Variants in RORC observed in about 807,000 individuals in gnomAD.
RORC encodes the protein nuclear receptor ROR-gamma.
Under a neutral mutation model 64.5 loss-of-function variants are expected in RORC, and 13 were observed. That is an observed-to-expected ratio of 0.20 (90% CI 0.13 to 0.32). The LOEUF is 0.32. RORC is among the 10% of genes least tolerant of loss of function. The pLI is 1.00. For synonymous variants in RORC, 277 were observed against 259.3 expected (o/e 1.07, Z -0.65); for missense variants, 468 against 669.5 (o/e 0.70, Z 3.32).
chr1:151,813,326 C>T lies in RORC; in HGVS notation c.1087G>A (p.Val363Ile). The T allele has an allele frequency of 6.2e-7, 1 of 1,614,138 alleles. No homozygotes were observed. Among genetic ancestry groups the T allele is most frequent in the Non-Finnish European group, 8.5e-7 (1 of 1,179,992 alleles). ...GCATTGTAGGCCCGGCACATCCTAA[C>T]CAGCACCACTTCCATTGCTCCTGGG... ...LKAGAMEVVL[V>I]RMCRAYNADN... is the part of the protein sequence containing the mutation. The change falls in exon 8 of 11, where the codon GTT becomes ATT. Residue 363 changes from valine to isoleucine, a missense_variant. Coordinates refer to ENST00000318247, the MANE Select transcript of RORC (RefSeq NM_005060.4).
intron 2 of RORC, chr1:151,825,998 A>G: frequency 6.2e-7 from 1 of 1,608,090 alleles, no homozygotes; most frequent in South Asian, 1.1e-5. Context: ...GTGGTCCAGG[A>G]GTGGGGTGCA....
At position 151,813,228 on chromosome 1, in the gene RORC, C is replaced by G. The variant is rs1572036317; in HGVS notation, c.1174+11G>C. The G allele has an allele frequency of 1.2e-6, 2 of 1,610,214 alleles. No homozygotes were observed. Among genetic ancestry groups the G allele is most frequent in the East Asian group, 4.5e-5 (2 of 44,874 alleles). ...TCAGAATCTTCCCTCTCATTTCTCCCTGCCCCTCACCCAAGGCTCGGAACA... is the reference window on the plus strand; with the variant it reads ...TCAGAATCTTCCCTCTCATTTCTCCGTGCCCCTCACCCAAGGCTCGGAACA... On this transcript the variant is annotated intron_variant, in intron 8 of 10. Coordinates refer to ENST00000318247, the MANE Select transcript of RORC (RefSeq NM_005060.4).
intron 2 of RORC, among the ~76,000 whole-genome samples, chr1:151,820,654 C>T (rs1172154989): frequency 6.6e-6 from 1 of 152,180 alleles, no homozygotes; most frequent in Non-Finnish European, 1.5e-5. Context: ...ACTCCAATTC[C>T]ACATCTTCCA....
At chr1:151,827,379 T>A (rs1156494301) in intron 2 of RORC, among the ~76,000 whole-genome samples, 2 of 151,740 alleles carry the variant, frequency 1.3e-5, no homozygotes, top group Non-Finnish European at 2.9e-5. Flanking sequence ...TTTTTTGGCC[T>A]GGGGGAGGGG....
intron 6 of RORC, chr1:151,814,032 G>A (rs1326613985): frequency 1.1e-5 from 2 of 181,590 alleles, no homozygotes; most frequent in Non-Finnish European, 2.3e-5. Flanking sequence ...TGATCGAAAA[G>A]GCAGCATAAA....
At chr1:151,825,874 G>A (rs1652173486) in intron 2 of RORC, 4 of 1,599,014 alleles carry the variant, frequency 2.5e-6, no homozygotes, top group Non-Finnish European at 3.4e-6. Context: ...CTCCTTTCCA[G>A]AGGGGTGACG....
chr1:151,816,754 G>C lies in RORC; in HGVS notation c.208C>G (p.Gln70Glu). The C allele has an allele frequency of 1.3e-6, 2 of 1,593,572 alleles. No individual in the cohort carries two copies. Among genetic ancestry groups the C allele is most frequent in the South Asian group, 1.1e-5 (1 of 87,822 alleles). Residue 70 changes from glutamine (Q) to glutamate (E), a missense_variant, in exon 4 of 11, where the codon CAG (glutamine) becomes GAG (glutamate). Gln to Glu is a conservative substitution (Grantham distance 29, BLOSUM62 2). Around this residue, in one of 5 missense-constraint regions of RORC, gnomAD observed 241 missense variants for 295.5 expected, o/e 0.82. Coordinates refer to ENST00000318247, the MANE Select transcript of RORC (RefSeq NM_005060.4). Reference sequence around the variant, plus strand: ...GTGCGGTCGATGGGGCAGTTCTGCTGACGGGTGCAGGAGTAGGCCGCGTTA... The same window carrying C: ...GTGCGGTCGATGGGGCAGTTCTGCTCACGGGTGCAGGAGTAGGCCGCGTTA... The part of the protein sequence containing the change: ...RCNAAYSCTR[Q>E]QNCPIDRTSR...
chr1:151,816,825 G>C lies in RORC; in HGVS notation c.157-20C>G. On this transcript the variant is annotated intron_variant, in intron 3 of 10. Coordinates refer to ENST00000318247, the MANE Select transcript of RORC (RefSeq NM_005060.4). Reference sequence around the variant, plus strand: ...GAAGCCCTGGGGAAAGCAGGTGGAGGGCAAGACTGCTTATCCTGGTCAGGC... The same window carrying C: ...GAAGCCCTGGGGAAAGCAGGTGGAGCGCAAGACTGCTTATCCTGGTCAGGC... 6.6e-7 allele frequency: 1 copy of C among 1,512,360 alleles called. No individual in the cohort carries two copies. The allele number at this position is 1,512,360 out of a possible 1,614,324, so 93.7% of individuals were successfully genotyped here. A position where few individuals can be genotyped will look rare whatever the true frequency, so the allele number is the denominator to read the frequency against.
chr1:151,807,490 A>G lies in RORC; in HGVS notation c.1539T>C (p.Pro513=). The part of the protein sequence containing the change: ...KELFSTETES[P]VGLSK ...TTCCAGGTCACTTGGACAGCCCCAC[A>G]GGTGACTCGGTTTCAGTGCTGAAGA... is the stretch of plus-strand genomic sequence containing the variant. The change falls in exon 11 of 11, where the codon CCT becomes CCC. Residue 513 remains proline, a synonymous_variant. Transcript: ENST00000318247. This position sits in a 1 kb window ranked among gnomAD's most constrained non-coding sequence, Gnocchi z 5.0. 3 of 1,614,208 alleles carry G rather than the reference A, an allele frequency of 1.9e-6. No homozygotes were observed. Among genetic ancestry groups the G allele is most frequent in the Non-Finnish European group, 2.5e-6 (3 of 1,180,008 alleles).
chr1:151,812,871 AG>A (rs1236679436), intron 9 of RORC, 75 bp downstream of exon 9: 3 of 880,938 alleles, frequency 3.4e-6, no homozygotes, highest in Non-Finnish European at 5.6e-6. Context: ...CTACATCTGA[AG>A]GTCTAGACTC....
Position 151,816,783 on chromosome 1 carries a change from C to T in RORC, c.179G>A (p.Arg60His), listed in dbSNP as rs746722517. The stretch of plus-strand genomic sequence containing the variant: ...GGTGCAGGAGTAGGCCGCGTTACAG[C>T]GCTGGCTCCGGCGGAAGAAGCCCTG... The part of the protein sequence containing the change: ...GCKGFFRRSQ[R>H]CNAAYSCTRQ... The change falls in exon 4 of 11, where the codon CGC (arginine) becomes CAC (histidine). Residue 60 changes from arginine (R) to histidine (H), a missense_variant. By Grantham distance (29) the Arg-to-His change is conservative (BLOSUM62 0). This residue lies in a region of RORC where 241 missense variants were observed against 295.5 expected (regional missense o/e 0.82). Coordinates refer to ENST00000318247, the MANE Select transcript of RORC (RefSeq NM_005060.4). 26 of 1,554,388 alleles carry T rather than the reference C, an allele frequency of 1.7e-5. No homozygotes were observed. The East Asian group carries it at 2.1e-4, about 13-fold the overall frequency.
chr1:151,817,314 G>T (rs200049152), intron 2 of RORC, 34 bp from the exon 3 acceptor site: 2 of 1,530,404 alleles, frequency 1.3e-6, no homozygotes, highest in Non-Finnish European at 1.8e-6. Context: ...GTCAGCCCAG[G>T]AGGCTTTTCT....
chr1:151,829,532 A>G (rs1652328740), intron 1 of RORC, 74 bp from the exon 2 acceptor site: 2 of 1,321,878 alleles, frequency 1.5e-6, no homozygotes, highest in Admixed American at 2.9e-5. Context: ...CCCCACTCCT[A>G]GGATCCCACT....
intron 2 of RORC, among the ~76,000 whole-genome samples, chr1:151,823,222 C>T (rs1239282166): frequency 6.6e-6 from 1 of 152,056 alleles, no homozygotes; most frequent in Non-Finnish European, 1.5e-5. Context: ...TCCTTTCTGG[C>T]CCACTGTTCC....
rs1553293049 is a variant in RORC at position 151,830,621 on chromosome 1, TACACACACACACACACAC to T, written c.40+1086_40+1103del. Among the ~76,000 whole-genome samples, 1 of 57,078 alleles carries T rather than the reference TACACACACACACACACAC, an allele frequency of 1.8e-5. No homozygotes were observed. The highest frequency in any genetic ancestry group is 4.2e-5 in the African/African-American group (1 of 23,534). The allele number at this position is 57,078 out of a possible 152,430, so 37.4% of individuals were successfully genotyped here. Reference sequence around the variant, plus strand: ...TGCTGTTCAGTCTTGACACCTGACATACACACACACACACACACACACACACACACACACACACACAGT... The same window carrying T: ...TGCTGTTCAGTCTTGACACCTGACATACACACACACACACACACACACAGT... On this transcript the variant is annotated intron_variant, in intron 1 of 10. Coordinates refer to ENST00000318247, the MANE Select transcript of RORC (RefSeq NM_005060.4). This position sits in a 1 kb window ranked among gnomAD's most constrained non-coding sequence, Gnocchi z 4.0.
intron 2 of RORC, chr1:151,825,832 C>A: frequency 6.9e-7 from 1 of 1,457,228 alleles, no homozygotes; most frequent in Non-Finnish European, 9.6e-7. Context: ...CCCTGCTTTG[C>A]TCAGATTTGC....
chr1:151,829,344 C>T, intron 2 of RORC, 85 bp downstream of exon 2: 2 of 1,333,974 alleles, frequency 1.5e-6, no homozygotes, highest in African/African-American at 3.1e-5. Context: ...TCTGTCCAAC[C>T]TCAGTCCCCC....
intron 10 of RORC, among the ~76,000 whole-genome samples, chr1:151,811,037 C>T (rs948499646): frequency 6.6e-6 from 1 of 152,198 alleles, no homozygotes; most frequent in African/African-American, 2.4e-5. Context: ...ATCTCTGTGT[C>T]TTTCCACAGT....
intron 2 of RORC, among the ~76,000 whole-genome samples, chr1:151,823,818 CTT>C (rs1486969506): frequency 6.6e-6 from 1 of 152,064 alleles, no homozygotes; most frequent in African/African-American, 2.4e-5. Context: ...TTAAAAAAAA[CTT>C]TTTTTGTAGG....
Sources: allele counts gnomAD v4.1 joint callset (sites outside exome capture counted in the v4.1 genomes callset), GRCh38; gene constraint gnomAD v4.1.1; regional missense constraint gnomAD v4.1.1; non-coding constraint Gnocchi (gnomAD v3.1); transcripts MANE v1.5; gene names NCBI Gene and HGNC (gene_info 2026-07-23, HGNC 2026-07-21).